Variants in OVOL2 observed in about 807,000 individuals in gnomAD.
OVOL2 encodes transcription factor Ovo-like 2.
In OVOL2, 13 loss-of-function variants were observed where a neutral mutation model predicts 18.1. The ratio of observed to expected loss-of-function variants is 0.72; its 90% CI spans 0.47 to 1.14. OVOL2 has a LOEUF of 1.14. OVOL2 is among the 50% of genes most tolerant of loss of function. OVOL2 has a pLI of 0.00. For missense variants in OVOL2, 335 were observed against 383.0 expected (o/e 0.87, Z 1.05); for synonymous variants, 166 against 162.7 (o/e 1.02, Z -0.16).
chr20:18,042,666 C>T lies in OVOL2; in HGVS notation c.322-943G>A, dbSNP rs553318027. Among the ~76,000 whole-genome samples, 3 of 151,130 alleles carry T rather than the reference C, an allele frequency of 2.0e-5. No individual in the cohort carries two copies. In the South Asian group the frequency reaches 6.3e-4, roughly 32 times the overall value. On this transcript the variant is annotated intron_variant, in intron 2 of 3. Coordinates refer to ENST00000278780, the MANE Select transcript of OVOL2 (RefSeq NM_021220.4). ...TGGTGCATGCCTGTAATCCCAGCTA[C>T]TCGGGAAGCAGAGGCAGGAGAATCA... is the stretch of plus-strand genomic sequence containing the variant.
At chr20:18,054,667 G>C (rs1284884304) in intron 2 of OVOL2, among the ~76,000 whole-genome samples, 1 of 151,272 alleles carries the variant, frequency 6.6e-6, no homozygotes, top group Non-Finnish European at 1.5e-5. Flanking sequence ...ACTTGAACCC[G>C]GGAGGCAGAG....
At chr20:18,039,158 A>C (rs942380509) in intron 3 of OVOL2, among the ~76,000 whole-genome samples, 2 of 151,960 alleles carry the variant, frequency 1.3e-5, no homozygotes, top group Non-Finnish European at 2.9e-5. Flanking sequence ...AAAAAGGCAG[A>C]CTGAGAGGGG....
At chr20:18,033,111 A>G (rs2036585675) in intron 3 of OVOL2, among the ~76,000 whole-genome samples, 1 of 152,208 alleles carries the variant, frequency 6.6e-6, no homozygotes. Context: ...AACATCTCCC[A>G]ATCTGCATTT....
chr20:18,031,673 G>A (rs1326954137), intron 3 of OVOL2, among the ~76,000 whole-genome samples: 2 of 152,222 alleles, frequency 1.3e-5, no homozygotes, highest in Non-Finnish European at 2.9e-5. Flanking sequence ...ACTTTTGTAC[G>A]TGTTACTTAT....
intron 2 of OVOL2, among the ~76,000 whole-genome samples, chr20:18,049,599 A>G (rs1011308152): frequency 6.7e-6 from 1 of 149,110 alleles, no homozygotes; most frequent in Non-Finnish European, 1.5e-5. Context: ...CAACTCCCCT[A>G]CATGGCAGAA....
chr20:18,043,530 A>G (rs1480106663), intron 2 of OVOL2, among the ~76,000 whole-genome samples: 1 of 151,766 alleles, frequency 6.6e-6, no homozygotes, highest in East Asian at 1.9e-4. Context: ...GCCTGATTGG[A>G]CTCTCCATCC....
At chr20:18,052,247 A>C (rs1417191527) in intron 2 of OVOL2, among the ~76,000 whole-genome samples, 2 of 152,228 alleles carry the variant, frequency 1.3e-5, no homozygotes, top group African/African-American at 2.4e-5. Flanking sequence ...TGGAGGGAAA[A>C]TGTATGAAAT....
chr20:18,027,180 G>A (rs1296314442), intron 3 of OVOL2, among the ~76,000 whole-genome samples: 3 of 152,020 alleles, frequency 2.0e-5, no homozygotes, highest in Non-Finnish European at 4.4e-5. Context: ...TCACATGACA[G>A]ATTCTAGGAA....
chr20:18,054,212 G>A (rs955735788), intron 2 of OVOL2, among the ~76,000 whole-genome samples: 4 of 152,148 alleles, frequency 2.6e-5, no homozygotes, highest in South Asian at 2.1e-4. Context: ...TAAGGAAACC[G>A]AGGCTCAGAG....
upstream of OVOL2, among the ~76,000 whole-genome samples, chr20:18,058,374 T>A (rs2036849979): frequency 1.3e-5 from 2 of 151,230 alleles, no homozygotes; most frequent in Admixed American, 1.3e-4. Flanking sequence ...GGTGGGGGCT[T>A]AGGGGCTTAA....
At chr20:18,034,917 T>C (rs2036602390) in intron 3 of OVOL2, among the ~76,000 whole-genome samples, 1 of 152,126 alleles carries the variant, frequency 6.6e-6, no homozygotes, top group African/African-American at 2.4e-5. Context: ...TAGCTCACTG[T>C]CTTTGCCCAC....
At chr20:18,028,182 A>ATTTTC (rs2036537051) in intron 3 of OVOL2, among the ~76,000 whole-genome samples, 1 of 151,560 alleles carries the variant, frequency 6.6e-6, no homozygotes, top group Non-Finnish European at 1.5e-5. Flanking sequence ...ATTTTATTTT[A>ATTTTC]TTTTATTTTT....
intron 3 of OVOL2, among the ~76,000 whole-genome samples, chr20:18,039,905 C>T (rs887120509): frequency 1.3e-5 from 2 of 152,064 alleles, no homozygotes; most frequent in South Asian, 2.1e-4. Flanking sequence ...GGAAAGGGCT[C>T]GGGGACTATA....
intron 3 of OVOL2, among the ~76,000 whole-genome samples, chr20:18,028,595 C>A (rs1301939885): frequency 1.3e-5 from 2 of 151,978 alleles, no homozygotes; most frequent in Non-Finnish European, 2.9e-5. Context: ...GAGTTCGAGA[C>A]CTGCCTGGCC....
At chr20:18,025,765 C>T (rs970546483) in intron 3 of OVOL2, among the ~76,000 whole-genome samples, 8 of 152,210 alleles carry the variant, frequency 5.3e-5, no homozygotes, top group East Asian at 1.9e-4. Context: ...CTCTGTGCAA[C>T]GCAGGGAGAC....
At chr20:18,055,196 G>T (rs1292420827) in intron 2 of OVOL2, among the ~76,000 whole-genome samples, 1 of 152,132 alleles carries the variant, frequency 6.6e-6, no homozygotes, top group Non-Finnish European at 1.5e-5. Context: ...AGAAGAGTTT[G>T]CCTAAAATAT....
intron 2 of OVOL2, among the ~76,000 whole-genome samples, chr20:18,042,804 A>G (rs1338249484): frequency 1.4e-5 from 2 of 144,042 alleles, no homozygotes; most frequent in Admixed American, 7.0e-5. Flanking sequence ...AGAGCCCGGC[A>G]CTTCCTCCCC....
rs376394167 is a variant in OVOL2 at position 18,024,750 on chromosome 20, C to G, written c.714G>C (p.Pro238=). Reference sequence around the variant, plus strand: ...ATGTCTTTTTGAGAAACGAGCTGCCCGGATGGGCACTGTTCACGTGCAGGT... The same window carrying G: ...ATGTCTTTTTGAGAAACGAGCTGCCGGGATGGGCACTGTTCACGTGCAGGT... ...DLYLHVNSAH[P]GSSFLKKTSK... is the part of the protein sequence containing the mutation. The change falls in exon 4 of 4, where the codon CCG becomes CCC. Residue 238 remains proline (P), a synonymous_variant. Transcript: ENST00000278780. The G allele has an allele frequency of 1.4e-5, 22 of 1,614,118 alleles. No homozygotes were observed. The highest frequency in any genetic ancestry group is 3.3e-5 in the Admixed American group (2 of 60,004).
rs1405293321 is a variant in OVOL2 at position 18,056,837 on chromosome 20, G to A, written c.141C>T (p.Cys47=). The change falls in exon 2 of 4, where the codon TGC becomes TGT. Residue 47 remains cysteine (C), a synonymous_variant. Coordinates refer to ENST00000278780, the MANE Select transcript of OVOL2 (RefSeq NM_021220.4). This position sits in a 1 kb window ranked among gnomAD's most constrained non-coding sequence, Gnocchi z 4.2. ...GRLLHDPPED[C]RSDGGSSSGS... The stretch of plus-strand genomic sequence containing the variant: ...CGCTGCTGCTGCCGCCGTCGCTGCG[G>A]CAGTCCTCGGGGGGGTCGTGGAGCA... 5 of 1,489,690 alleles carry A rather than the reference G, an allele frequency of 3.4e-6. No homozygotes were observed. The East Asian group carries it at 1.4e-4, about 43-fold the overall frequency. The allele number at this position is 1,489,690 out of a possible 1,614,324, so 92.3% of individuals were successfully genotyped here.
Sources: allele counts gnomAD v4.1 joint callset (sites outside exome capture counted in the v4.1 genomes callset), GRCh38; gene constraint gnomAD v4.1.1; non-coding constraint Gnocchi (gnomAD v3.1); transcripts MANE v1.5; gene names NCBI Gene and HGNC (gene_info 2026-07-23, HGNC 2026-07-21).